Variants in ANO1 observed in about 807,000 individuals in gnomAD.
The protein encoded by ANO1 is anoctamin-1.
In ANO1, 59 loss-of-function variants were observed where a neutral mutation model predicts 124.0. That is an observed-to-expected ratio of 0.48 (90% CI 0.39 to 0.59). The LOEUF (loss-of-function observed/expected upper bound fraction) is 0.59, where lower values mean the gene tolerates loss of function less well. ANO1 is among the 20% of genes least tolerant of loss of function. The pLI is 0.00. For missense variants in ANO1, 1,059 were observed against 1,328.0 expected, an observed-to-expected ratio of 0.80 and a Z score of 3.15; for synonymous variants, 529 against 532.0, an observed-to-expected ratio of 0.99 and a Z score of 0.08.
chr11:70,062,179 C>T (rs551981223), intron 1 of ANO1, among the ~76,000 whole-genome samples: 5 of 144,518 alleles, frequency 3.5e-5, no homozygotes, highest in African/African-American at 1.0e-4. Flanking sequence ...GAGGTTCAAG[C>T]GATTCTCCTG....
chr11:69,975,612 G>A, the ANO1 span, among the ~76,000 whole-genome samples: 1 of 152,198 alleles, frequency 6.6e-6, no homozygotes, highest in African/African-American at 2.4e-5. Flanking sequence ...CCCCTCACTT[G>A]GTCCTAGGAA....
intron 1 of ANO1, among the ~76,000 whole-genome samples, chr11:70,059,616 G>T (rs1857525806): frequency 6.6e-6 from 1 of 152,110 alleles, no homozygotes; most frequent in Non-Finnish European, 1.5e-5. Flanking sequence ...AAAAGGAGGA[G>T]GCCTGAGAAA....
rs141438543 is a variant in ANO1, at chr11:70,107,586, G to GA, written c.748-764dup. Among the ~76,000 whole-genome samples, 464 of 151,198 alleles carry GA rather than the reference G, an allele frequency of 3.1e-3. 2 individuals are homozygous for GA. The highest frequency in any genetic ancestry group is 0.011 in the African/African-American group (453 of 41,374). On this transcript the variant is annotated intron_variant, in intron 5 of 25. Coordinates refer to ENST00000355303, the MANE Select transcript of ANO1 (RefSeq NM_018043.7). ...AGTGGAGGCAGAATTGGCATGCTCT[G>GA]AAATGCACGTCTGCATAGCACGACC...
intron 1 of ANO1, among the ~76,000 whole-genome samples, chr11:70,084,077 G>C (rs898213685): frequency 1.3e-5 from 2 of 152,132 alleles, no homozygotes; most frequent in Admixed American, 6.5e-5. Flanking sequence ...CTGGGGGAGG[G>C]GGAGAGGAGA....
chr11:69,996,687 G>C (rs1856277040), intron 1 of ANO1, among the ~76,000 whole-genome samples: 1 of 152,146 alleles, frequency 6.6e-6, no homozygotes. Flanking sequence ...CAGCAGTTTG[G>C]TGGCAGGAAT....
intron 19 of ANO1, 150 bp downstream of exon 19, chr11:70,163,490 C>T (rs1463352253): frequency 8.8e-6 from 8 of 913,298 alleles, no homozygotes; most frequent in Non-Finnish European, 1.4e-5. Flanking sequence ...TTCTGTTCCC[C>T]TGATGTGGTG....
At chr11:70,124,295 G>C (rs973505791) in intron 8 of ANO1, 55 bp from the exon 9 acceptor site, 39 of 1,565,622 alleles carry the variant, frequency 2.5e-5, no homozygotes, top group Non-Finnish European at 3.2e-5. Context: ...TGCGTTCCGG[G>C]GAGCAACCTC....
At chr11:70,034,844 CAG>C (rs1294283391) in intron 1 of ANO1, among the ~76,000 whole-genome samples, 1 of 152,130 alleles carries the variant, frequency 6.6e-6, no homozygotes, top group East Asian at 1.9e-4. Flanking sequence ...TTTGAACACA[CAG>C]GGGCAGCCAG....
chr11:70,042,022 G>A (rs1267835080), intron 1 of ANO1, among the ~76,000 whole-genome samples: 1 of 152,150 alleles, frequency 6.6e-6, no homozygotes, highest in African/African-American at 2.4e-5. Context: ...TACCTGGGCT[G>A]AGGTAGGAAA....
intron 1 of ANO1, among the ~76,000 whole-genome samples, chr11:70,037,718 CT>C (rs1857117646): frequency 6.6e-6 from 1 of 152,144 alleles, no homozygotes. Flanking sequence ...CATGGAACAG[CT>C]GCCAGGAAAC....
At chr11:70,127,683 T>TG (rs1043034602) in intron 10 of ANO1, among the ~76,000 whole-genome samples, 1 of 151,292 alleles carries the variant, frequency 6.6e-6, no homozygotes, top group African/African-American at 2.4e-5. Context: ...GGGAACAGAG[T>TG]GGGGCCCTGT....
At position 70,170,986 on chromosome 11, in the gene ANO1, A is replaced by G. The variant is rs992793495; in HGVS notation, c.2297A>G (p.Lys766Arg). ...ATCATCGAGATCCGCCTGGACGCCA[A>G]AAAGTTTGTCACTGAGCTCCGAAGG... Reference protein sequence around the residue: ...NNIIEIRLDAKKFVTELRRPV... With the variant: ...NNIIEIRLDARKFVTELRRPV... Residue 766 changes from lysine to arginine, a missense_variant, in exon 22 of 26, where the codon AAA becomes AGA. Around this residue, in one of 2 missense-constraint regions of ANO1, gnomAD observed 809 missense variants for 1,094.9 expected, o/e 0.74. Coordinates refer to ENST00000355303, the MANE Select transcript of ANO1 (RefSeq NM_018043.7). The G allele has an allele frequency of 4.3e-6, 7 of 1,612,962 alleles. No homozygotes were observed. Among genetic ancestry groups the G allele is most frequent in the African/African-American group, 1.3e-5 (1 of 74,902 alleles).
chr11:70,067,371 A>G (rs1591071085), intron 1 of ANO1, among the ~76,000 whole-genome samples: 1 of 131,872 alleles, frequency 7.6e-6, no homozygotes, highest in Admixed American at 8.9e-5. Context: ...TCTGGTGCCC[A>G]GGCTGGAGTG....
chr11:70,062,276 T>C (rs11232358), intron 1 of ANO1, among the ~76,000 whole-genome samples: 79,785 of 151,666 alleles, frequency 0.53, 21,719 homozygotes, highest in East Asian at 0.8. Flanking sequence ...GGGGTTTCGC[T>C]ATGTTGGCCA....
intron 10 of ANO1, among the ~76,000 whole-genome samples, 169 bp from the exon 11 acceptor site, chr11:70,131,750 G>A (rs1399019271): frequency 3.3e-5 from 5 of 152,224 alleles, no homozygotes; most frequent in African/African-American, 4.8e-5. Flanking sequence ...GGCAAGGAGG[G>A]ACAGGGCATG....
the ANO1 span, among the ~76,000 whole-genome samples, chr11:69,973,640 G>C: frequency 6.6e-6 from 1 of 152,044 alleles, no homozygotes; most frequent in African/African-American, 2.4e-5. Flanking sequence ...TTGGGAGGCC[G>C]AAGCGGGTGG....
At chr11:70,001,137 G>C (rs1856375737) in intron 1 of ANO1, among the ~76,000 whole-genome samples, 1 of 152,214 alleles carries the variant, frequency 6.6e-6, no homozygotes, top group African/African-American at 2.4e-5. Context: ...GGCTGCTCCT[G>C]GGATGTTCTA....
intron 23 of ANO1, among the ~76,000 whole-genome samples, chr11:70,180,549 A>G (rs2048891312): frequency 6.6e-6 from 1 of 152,130 alleles, no homozygotes; most frequent in Non-Finnish European, 1.5e-5. Flanking sequence ...CTGGGATTAC[A>G]TTCACGAGCC....
Position 70,052,531 on chromosome 11 carries a change from C to CTTTTTTTTTTTTTTTTTTTT in ANO1, c.59-25992_59-25973dup, listed in dbSNP as rs200770702. Among the ~76,000 whole-genome samples, 16 of 65,914 alleles carry CTTTTTTTTTTTTTTTTTTTT rather than the reference C, an allele frequency of 2.4e-4. 2 individuals are homozygous for CTTTTTTTTTTTTTTTTTTTT. The highest frequency in any genetic ancestry group is 6.3e-4 in the Admixed American group (4 of 6,326). 43.2% of individuals were successfully genotyped at this position (65,914 alleles called of 152,430 possible). ...TTTGGGGAGAATTTCTTTTTCTTTT[C>CTTTTTTTTTTTTTTTTTTTT]TTTTTTTTTTTTTTTTTTTTTTTTT... On this transcript the variant is annotated intron_variant, in intron 1 of 27. Coordinates refer to the ANO1 transcript ENST00000531349.
Sources: allele counts gnomAD v4.1 joint callset (sites outside exome capture counted in the v4.1 genomes callset), GRCh38; gene constraint gnomAD v4.1.1; regional missense constraint gnomAD v4.1.1; transcripts MANE v1.5; gene names NCBI Gene and HGNC (gene_info 2026-07-23, HGNC 2026-07-21).